METAP1D: variants seen among roughly 807,000 people sequenced by gnomAD.
The protein encoded by METAP1D is methionine aminopeptidase 1D, mitochondrial.
A neutral mutation model predicts 40.5 loss-of-function variants in METAP1D; 31 were observed. The observed-to-expected ratio is 0.77, with a 90% CI of 0.58 to 1.03. The LOEUF (loss-of-function observed/expected upper bound fraction) is 1.03. Ranked by LOEUF, METAP1D falls within the 50% of genes least tolerant of loss-of-function variation. The pLI is 0.00. For synonymous variants in METAP1D, 151 were observed against 146.4 expected (o/e 1.03, Z -0.22); for missense variants, 411 against 420.7 (o/e 0.98, Z 0.20).
chr2:172,034,890 T>C (rs1272948719), intron 1 of METAP1D, among the ~76,000 whole-genome samples: 1 of 152,170 alleles, frequency 6.6e-6, no homozygotes, highest in Non-Finnish European at 1.5e-5. Flanking sequence ...CTTATTTTTC[T>C]TGATTGGAAG....
At position 172,041,729 on chromosome 2, in the gene METAP1D, TA is replaced by T. The variant is rs1689534131; in HGVS notation, c.41-19768del. ...TAATTTCCTTACTCTAATTATTTTA[TA>T]TATATATATATATATATATATATAT... On this transcript the variant is annotated intron_variant, in intron 1 of 9. Coordinates refer to ENST00000315796, the MANE Select transcript of METAP1D (RefSeq NM_199227.3). Among the ~76,000 whole-genome samples, 26 of 17,912 alleles carry T rather than the reference TA, an allele frequency of 1.5e-3. 4 individuals are homozygous for T. The highest frequency in any genetic ancestry group is 0.012 in the East Asian group (2 of 162). The allele number at this position is 17,912 out of a possible 152,430, so 11.8% of individuals were successfully genotyped here.
intron 1 of METAP1D, among the ~76,000 whole-genome samples, chr2:172,016,303 ATATATATATAT>A (rs1688861389): frequency 1.9e-4 from 13 of 66,790 alleles, no homozygotes; most frequent in Non-Finnish European, 3.4e-4. Context: ...AAAAAAAAAT[ATATATATATAT>A]ATATATATAT....
chr2:172,040,271 G>T (rs1689487794), intron 1 of METAP1D, among the ~76,000 whole-genome samples: 1 of 152,154 alleles, frequency 6.6e-6, no homozygotes, highest in Non-Finnish European at 1.5e-5. Context: ...CTTTTTATTA[G>T]TGAGAAAAGT....
Position 172,065,706 on chromosome 2 carries a change from G to A in METAP1D, c.451G>A (p.Val151Ile). The A allele has an allele frequency of 6.2e-7, 1 of 1,613,950 alleles. No homozygotes were observed. Among genetic ancestry groups the A allele is most frequent in the Non-Finnish European group, 8.5e-7 (1 of 1,179,924 alleles). ...AGGCTATGGAGGTTTTCCAAAATCT[G>A]TTTGTACCTCTGTAAACAACGTGCT... is the stretch of plus-strand genomic sequence containing the variant. The part of the protein sequence containing the change: ...PLGYGGFPKS[V>I]CTSVNNVLCH... The change falls in exon 4 of 10, where the codon GTT becomes ATT. Residue 151 changes from valine to isoleucine, a missense_variant. Val to Ile is a conservative substitution (Grantham distance 29). Coordinates refer to ENST00000315796, the MANE Select transcript of METAP1D (RefSeq NM_199227.3).
chr2:172,041,053 A>C (rs545770579), intron 1 of METAP1D, among the ~76,000 whole-genome samples: 1 of 152,210 alleles, frequency 6.6e-6, no homozygotes, highest in Admixed American at 6.5e-5. Flanking sequence ...GGCGTGAGCC[A>C]CCACACCTGG....
chr2:172,081,858 ACATT>A lies in METAP1D; in HGVS notation c.*1456_*1459del, dbSNP rs1444891810. The A allele has an allele frequency of 2.6e-5, 4 of 152,298 alleles. No individual in the cohort carries two copies. Among genetic ancestry groups the A allele is most frequent in the Non-Finnish European group, 4.4e-5 (3 of 68,038 alleles). The allele number at this position is 152,298 out of a possible 1,614,324, so 9.4% of individuals were successfully genotyped here. ...GACTAAGAGCCAGCTCATCTTTGTAACATTCATAATACGGGAAACTGAGGACCAG... is the reference window on the plus strand; with the variant it reads ...GACTAAGAGCCAGCTCATCTTTGTAACATAATACGGGAAACTGAGGACCAG... On this transcript the variant is annotated 3_prime_UTR_variant, in exon 10 of 10. Transcript: ENST00000315796.
At chr2:172,002,060 A>AG in intron 1 of METAP1D, among the ~76,000 whole-genome samples, 1 of 151,436 alleles carries the variant, frequency 6.6e-6, no homozygotes, top group East Asian at 1.9e-4. Flanking sequence ...AAAAAAAAAA[A>AG]AAGATCTGGG....
intron 6 of METAP1D, among the ~76,000 whole-genome samples, chr2:172,075,283 A>G (rs149280102): frequency 2.0e-5 from 3 of 152,332 alleles, no homozygotes; most frequent in African/African-American, 7.2e-5. Context: ...TTAGTTAGAG[A>G]AAATCAGAAG....
chr2:172,061,637 A>T lies in METAP1D; in HGVS notation c.180A>T (p.Ser60=). The T allele has an allele frequency of 6.2e-7, 1 of 1,612,178 alleles. No homozygotes were observed. The highest frequency in any genetic ancestry group is 8.5e-7 in the Non-Finnish European group (1 of 1,179,330). Residue 60 remains serine, a synonymous_variant, in exon 2 of 10, where the codon TCA becomes TCT. Coordinates refer to ENST00000315796, the MANE Select transcript of METAP1D (RefSeq NM_199227.3). The part of the protein sequence containing the change: ...HSIVLPAAVS[S]AHPVPKHIKK... ...TAGTTTTGCCGGCTGCAGTTTCTTCAGCTCATCCGGTTCCTAAGGTACTGT... is the reference window on the plus strand; with the variant it reads ...TAGTTTTGCCGGCTGCAGTTTCTTCTGCTCATCCGGTTCCTAAGGTACTGT...
chr2:172,018,216 A>G (rs188738961), intron 1 of METAP1D, among the ~76,000 whole-genome samples: 3 of 152,088 alleles, frequency 2.0e-5, no homozygotes, highest in Admixed American at 6.5e-5. Context: ...TCTGGCCAAG[A>G]TGCAACAAAA....
At chr2:172,011,876 T>C (rs1199853484) in intron 1 of METAP1D, among the ~76,000 whole-genome samples, 2 of 152,224 alleles carry the variant, frequency 1.3e-5, no homozygotes, top group Non-Finnish European at 2.9e-5. Context: ...ACATATATTT[T>C]GTTTTGGTTT....
intron 1 of METAP1D, among the ~76,000 whole-genome samples, chr2:172,047,690 C>T (rs777759860): frequency 1.3e-5 from 2 of 152,210 alleles, no homozygotes; most frequent in Non-Finnish European, 2.9e-5. Context: ...ACACCTCGGC[C>T]TCCCAAAGTG....
chr2:172,059,597 T>C (rs914976753), intron 1 of METAP1D, among the ~76,000 whole-genome samples: 9 of 152,200 alleles, frequency 5.9e-5, no homozygotes, highest in Admixed American at 5.9e-4. Context: ...TTTCATGTAT[T>C]ACAAAATATT....
intron 1 of METAP1D, among the ~76,000 whole-genome samples, chr2:172,024,893 G>T (rs983579729): frequency 4.6e-5 from 7 of 152,112 alleles, no homozygotes; most frequent in African/African-American, 1.7e-4. Context: ...ATATTGCTCA[G>T]TTGATGCTTG....
rs755464106 is a variant in METAP1D, at chr2:172,070,946, T to C, written c.580T>C (p.Phe194Leu). Residue 194 changes from phenylalanine (F) to leucine (L), a missense_variant, in exon 6 of 10, where the codon TTT becomes CTT. Phe to Leu is a conservative substitution (Grantham distance 22). Coordinates refer to ENST00000315796, the MANE Select transcript of METAP1D (RefSeq NM_199227.3). ...CTACCATGGAGACACCTCTGAAACA[T>C]TTTTGGTGGGCAATGTGGACGAATG... ...NGYHGDTSET[F>L]LVGNVDECGK... 9 of 1,612,128 alleles carry C rather than the reference T, an allele frequency of 5.6e-6. No individual in the cohort carries two copies.
chr2:172,013,350 C>A (rs1688775067), intron 1 of METAP1D, among the ~76,000 whole-genome samples: 1 of 152,166 alleles, frequency 6.6e-6, no homozygotes, highest in African/African-American at 2.4e-5. Context: ...CCCCAGTTGT[C>A]CCCTCAGCCA....
At chr2:172,065,972 G>T (rs890580850) in intron 4 of METAP1D, among the ~76,000 whole-genome samples, 3 of 152,220 alleles carry the variant, frequency 2.0e-5, no homozygotes, top group Admixed American at 1.3e-4. Flanking sequence ...AATGGGGGTT[G>T]TGCATTACGT....
chr2:172,031,494 T>G (rs1227241421), intron 1 of METAP1D, among the ~76,000 whole-genome samples: 1 of 145,852 alleles, frequency 6.9e-6, no homozygotes, highest in Admixed American at 6.7e-5. Flanking sequence ...ACTAGACTTA[T>G]CTCAGTTGTA....
intron 1 of METAP1D, among the ~76,000 whole-genome samples, chr2:172,043,188 C>A: frequency 7.7e-6 from 1 of 130,398 alleles, no homozygotes; most frequent in South Asian, 2.5e-4. Flanking sequence ...GCAATCTTCC[C>A]ATCTCAGCCT....
Sources: allele counts gnomAD v4.1 joint callset (sites outside exome capture counted in the v4.1 genomes callset), GRCh38; gene constraint gnomAD v4.1.1; transcripts MANE v1.5; gene names NCBI Gene and HGNC (gene_info 2026-07-23, HGNC 2026-07-21).